MTBP: variants seen among roughly 807,000 people sequenced by gnomAD.
The protein encoded by MTBP is MDM2 binding protein.
Under a neutral mutation model 117.0 loss-of-function variants are expected in MTBP, and 101 were observed. That is an observed-to-expected ratio of 0.86 (90% CI 0.73 to 1.02). The LOEUF is 1.02. MTBP is among the 50% of genes least tolerant of loss of function. The pLI is 0.00. For missense variants in MTBP, 970 were observed against 1,030.9 expected (o/e 0.94, Z 0.81); for synonymous variants, 350 against 351.5 (o/e 1.00, Z 0.05).
At chr8:120,497,326 C>T in intron 13 of MTBP, 67 bp from the exon 14 acceptor site, 2 of 1,361,872 alleles carry the variant, frequency 1.5e-6, no homozygotes, top group Non-Finnish European at 2.0e-6. Flanking sequence ...AAATATTTTC[C>T]ACAAAAGACT....
Position 120,519,813 on chromosome 8 carries a change from A to G in MTBP, c.2610+996A>G, listed in dbSNP as rs78757815. On this transcript the variant is annotated intron_variant, in intron 20 of 21. Transcript: ENST00000305949. Reference sequence around the variant, plus strand: ...AGGGGCGAGGGTCCATGTAGAAAGCAGGGAAGTTTAAATAAAGATCTACAA... The same window carrying G: ...AGGGGCGAGGGTCCATGTAGAAAGCGGGGAAGTTTAAATAAAGATCTACAA... Among the ~76,000 whole-genome samples, 782 of 152,214 alleles carry G rather than the reference A, an allele frequency of 5.1e-3. 8 individuals are homozygous for G. The highest frequency in any genetic ancestry group is 0.017 in the African/African-American group (696 of 41,546).
At chr8:120,445,847 A>C (rs1251650086) in intron 1 of MTBP, among the ~76,000 whole-genome samples, 1 of 152,166 alleles carries the variant, frequency 6.6e-6, no homozygotes, top group African/African-American at 2.4e-5. Context: ...TCTATGCCTT[A>C]GTAATGGAAT....
rs1218853573 is a variant in MTBP at position 120,515,923 on chromosome 8, A to C, written c.1980-2A>C. ...ATTTTAATGCTCTTTCACTCATTTTAGATATTGCTTGGATGACCGAAAAGC... is the reference window on the plus strand; with the variant it reads ...ATTTTAATGCTCTTTCACTCATTTTCGATATTGCTTGGATGACCGAAAAGC... On this transcript the variant is annotated splice_acceptor_variant, in intron 17 of 21. Transcript: ENST00000305949. LOFTEE classifies it high-confidence loss of function. 1 of 1,611,130 alleles carries C rather than the reference A, an allele frequency of 6.2e-7. No individual in the cohort carries two copies. Among genetic ancestry groups the C allele is most frequent in the Non-Finnish European group, 8.5e-7 (1 of 1,178,390 alleles).
intron 19 of MTBP, 133 bp downstream of exon 19, chr8:120,518,233 A>T: frequency 1.0e-6 from 1 of 1,001,954 alleles, no homozygotes; most frequent in Non-Finnish European, 1.4e-6. Flanking sequence ...TGTAAGAAGG[A>T]TGATAGGAAA....
chr8:120,451,130 T>A, intron 3 of MTBP, 41 bp from the exon 4 acceptor site: 1 of 1,582,202 alleles, frequency 6.3e-7, no homozygotes, highest in South Asian at 1.1e-5. Flanking sequence ...ATATAAATAA[T>A]TTCATGATCC....
At chr8:120,472,250 T>C (rs990528664) in intron 11 of MTBP, 18 of 152,182 alleles carry the variant, frequency 1.2e-4, no homozygotes, top group African/African-American at 4.1e-4. Flanking sequence ...GATACTGAAT[T>C]CTATTTTAGC....
intron 15 of MTBP, among the ~76,000 whole-genome samples, chr8:120,503,473 C>G (rs1422502484): frequency 6.6e-6 from 1 of 152,078 alleles, no homozygotes; most frequent in Non-Finnish European, 1.5e-5. Flanking sequence ...GTAGTACTCA[C>G]TTAGATGAGG....
chr8:120,451,118 T>C, intron 3 of MTBP, 42 bp downstream of exon 3: 11 of 1,574,518 alleles, frequency 7.0e-6, no homozygotes, highest in Non-Finnish European at 8.7e-6. Context: ...ATGTCTTTAC[T>C]AATATAAATA....
intron 16 of MTBP, among the ~76,000 whole-genome samples, chr8:120,508,954 T>G (rs556619899): frequency 6.6e-6 from 1 of 152,300 alleles, no homozygotes; most frequent in East Asian, 1.9e-4. Context: ...GATTTTGATA[T>G]ATCGCTGTAG....
intron 11 of MTBP, among the ~76,000 whole-genome samples, chr8:120,476,441 A>AG (rs199971984): frequency 0.071 from 10,761 of 152,176 alleles, 544 homozygotes; most frequent in Non-Finnish European, 0.11. Context: ...AAGGGTATTC[A>AG]GATAGGAAGA....
chr8:120,513,565 A>G (rs1178202546), intron 17 of MTBP, among the ~76,000 whole-genome samples: 1 of 152,050 alleles, frequency 6.6e-6, no homozygotes, highest in Non-Finnish European at 1.5e-5. Flanking sequence ...TAACATCAAC[A>G]TGTACAGTGT....
chr8:120,478,252 A>C (rs1256030378), intron 11 of MTBP, among the ~76,000 whole-genome samples: 1 of 152,036 alleles, frequency 6.6e-6, no homozygotes, highest in Non-Finnish European at 1.5e-5. Context: ...GGGGCCTGTC[A>C]GGGTATGGGG....
At chr8:120,506,974 A>T (rs1445063721) in intron 16 of MTBP, 113 bp downstream of exon 16, 1 of 870,844 alleles carries the variant, frequency 1.1e-6, no homozygotes, top group African/African-American at 1.7e-5. Flanking sequence ...AAAATTTATA[A>T]GTTTGATCCC....
In MTBP at chr8:120,501,177, T is replaced by C. The variant is rs541427214; in HGVS notation, c.1610-1315T>C. ...CTGCACTCCAGCCTGGGTGACAGAG[T>C]GAAACTCCATCTCAAAAAAAAAAAA... On this transcript the variant is annotated intron_variant, in intron 14 of 21. Coordinates refer to ENST00000305949, the MANE Select transcript of MTBP (RefSeq NM_022045.5). Among the ~76,000 whole-genome samples the C allele has an allele frequency of 3.8e-3, 171 of 45,526 alleles. 1 individual carries two copies. Among genetic ancestry groups the C allele is most frequent in the Admixed American group, 8.2e-3 (26 of 3,186 alleles). 29.9% of individuals were successfully genotyped at this position (45,526 alleles called of 152,430 possible).
chr8:120,487,145 G>A (rs559678876), intron 11 of MTBP, among the ~76,000 whole-genome samples: 2 of 152,276 alleles, frequency 1.3e-5, no homozygotes, highest in African/African-American at 4.8e-5. Flanking sequence ...CAGAGAATAA[G>A]CCTCTAATCT....
intron 4 of MTBP, chr8:120,452,744 T>C (rs10090927): frequency 0.57 from 86,419 of 150,558 alleles, 26,259 homozygotes; most frequent in Non-Finnish European, 0.67. Flanking sequence ...GCTGGAGAAT[T>C]GCTTGAACCC....
intron 4 of MTBP, chr8:120,452,790 AC>A (rs1260548829): frequency 1.3e-5 from 2 of 148,406 alleles, no homozygotes; most frequent in Non-Finnish European, 3.0e-5. Flanking sequence ...AGATTCTGCC[AC>A]TGTACTCCAG....
chr8:120,481,969 G>A (rs1423249075), intron 11 of MTBP, among the ~76,000 whole-genome samples: 1 of 151,914 alleles, frequency 6.6e-6, no homozygotes, highest in African/African-American at 2.4e-5. Context: ...GAATCATTTA[G>A]GTCCTTCAAT....
rs1174908153 is a variant in MTBP, at chr8:120,454,404, T to C, written c.484+499T>C. ...ATTTTTTTCCCCATAGTGGAAAGAA[T>C]ACCTGTGACATACTGTATCATAATA... is the stretch of plus-strand genomic sequence containing the variant. On this transcript the variant is annotated intron_variant, in intron 5 of 21. Coordinates refer to ENST00000305949, the MANE Select transcript of MTBP (RefSeq NM_022045.5). 8.5e-5 allele frequency among the ~76,000 whole-genome samples: 13 copies of C among 152,230 alleles called. No homozygotes were observed. In the East Asian group the frequency reaches 2.1e-3, roughly 25 times the overall value.
Sources: allele counts gnomAD v4.1 joint callset (sites outside exome capture counted in the v4.1 genomes callset), GRCh38; gene constraint gnomAD v4.1.1; transcripts MANE v1.5; gene names NCBI Gene and HGNC (gene_info 2026-07-23, HGNC 2026-07-21).